Variants in RBM26 observed in about 807,000 individuals in gnomAD.
RBM26 encodes the protein RNA-binding protein 26.
Under a neutral mutation model 123.6 loss-of-function variants are expected in RBM26, and 30 were observed. The observed-to-expected ratio is 0.24, with a 90% CI of 0.18 to 0.33. The LOEUF (loss-of-function observed/expected upper bound fraction) is 0.33, where lower values mean the gene tolerates loss of function less well. Among genes scored for constraint, RBM26 ranks in the 10% least tolerant of loss-of-function variants. RBM26 has a pLI of 1.00. For missense variants in RBM26, 947 were observed against 1,203.6 expected (o/e 0.79, Z 3.15); for synonymous variants, 400 against 404.4 (o/e 0.99, Z 0.13).
chr13:79,314,624 C>T (rs1196631032), downstream of RBM26: 2 of 154,200 alleles, frequency 1.3e-5, no homozygotes, highest in Admixed American at 1.3e-4. Flanking sequence ...CTAATGAACA[C>T]AGTAGTATGG....
intron 3 of RBM26, among the ~76,000 whole-genome samples, chr13:79,375,099 T>TATATCATATAAATATATATTTAC (rs2076554549): frequency 8.4e-4 from 1 of 1,190 alleles, no homozygotes; most frequent in Non-Finnish European, 2.0e-3. Context: ...TATATATTTA[T>TATATCATATAAATATATATTTAC]ATATATCATA....
chr13:79,379,877 T>A (rs2076945003), intron 1 of RBM26, among the ~76,000 whole-genome samples: 1 of 151,980 alleles, frequency 6.6e-6, no homozygotes, highest in Non-Finnish European at 1.5e-5. Context: ...AAAATGACTC[T>A]TAAATGAGTA....
chr13:79,370,083 G>A (rs755354345), intron 5 of RBM26, among the ~76,000 whole-genome samples: 5 of 152,170 alleles, frequency 3.3e-5, no homozygotes, highest in Non-Finnish European at 7.4e-5. Flanking sequence ...GCTGAGGCGG[G>A]TGGATCACCT....
chr13:79,397,034 A>G (rs1168499049), intron 1 of RBM26, among the ~76,000 whole-genome samples: 1 of 152,144 alleles, frequency 6.6e-6, no homozygotes, highest in African/African-American at 2.4e-5. Context: ...ACGAAAAATT[A>G]GCCAAGGGTG....
At chr13:79,375,059 AT>A (rs1028864841) in intron 3 of RBM26, among the ~76,000 whole-genome samples, 5 of 143,372 alleles carry the variant, frequency 3.5e-5, no homozygotes, top group East Asian at 3.9e-4. Context: ...ATATATTTAT[AT>A]TTTTATATAT....
intron 18 of RBM26, among the ~76,000 whole-genome samples, chr13:79,340,890 C>T (rs758560397): frequency 6.6e-6 from 1 of 151,758 alleles, no homozygotes; most frequent in Non-Finnish European, 1.5e-5. Flanking sequence ...AATGGAGGAA[C>T]TTGGGGATAT....
chr13:79,341,623 T>C (rs2071391186), intron 17 of RBM26, among the ~76,000 whole-genome samples: 1 of 151,694 alleles, frequency 6.6e-6, no homozygotes, highest in African/African-American at 2.4e-5. Flanking sequence ...AAAGAAAAAC[T>C]AGGATAAACC....
chr13:79,347,217 T>C (rs575334766), intron 14 of RBM26, among the ~76,000 whole-genome samples: 2 of 129,112 alleles, frequency 1.5e-5, no homozygotes, highest in Admixed American at 7.5e-5. Context: ...TCTGTAAAAC[T>C]AGAACATCCA....
At chr13:79,382,864 T>C (rs534427045) in intron 1 of RBM26, among the ~76,000 whole-genome samples, 1 of 152,290 alleles carries the variant, frequency 6.6e-6, no homozygotes. Context: ...AACAGATTCT[T>C]AGAAAATGAC....
chr13:79,348,611 T>C (rs1400934631), intron 14 of RBM26, among the ~76,000 whole-genome samples: 1 of 152,078 alleles, frequency 6.6e-6, no homozygotes, highest in Non-Finnish European at 1.5e-5. Context: ...CAGAAATACA[T>C]TGGTTTAATG....
chr13:79,367,432 A>AAAAAAAAAAAAAAAAAAT (rs1566476253), intron 6 of RBM26, among the ~76,000 whole-genome samples: 1 of 42,792 alleles, frequency 2.3e-5, no homozygotes, highest in Non-Finnish European at 5.3e-5. Flanking sequence ...AAAAAAAAAA[A>AAAAAAAAAAAAAAAAAAT]GAAGAAGAAG....
At chr13:79,366,219 A>AT in intron 7 of RBM26, 24 bp from the exon 8 acceptor site, 1 of 1,601,642 alleles carries the variant, frequency 6.2e-7, no homozygotes, top group East Asian at 2.2e-5. Context: ...AGAATAAGAA[A>AT]TATCATCTGA....
At chr13:79,335,349 T>C (rs1398398853) in intron 19 of RBM26, among the ~76,000 whole-genome samples, 1 of 152,082 alleles carries the variant, frequency 6.6e-6, no homozygotes, top group African/African-American at 2.4e-5. Flanking sequence ...CCTCACAGGG[T>C]TATCCAAATA....
At chr13:79,368,201 T>G (rs1429507420) in intron 6 of RBM26, among the ~76,000 whole-genome samples, 1 of 152,102 alleles carries the variant, frequency 6.6e-6, no homozygotes, top group Non-Finnish European at 1.5e-5. Flanking sequence ...ATTTGTTGTA[T>G]TTTTAGTAGA....
intron 6 of RBM26, among the ~76,000 whole-genome samples, chr13:79,367,405 TCAAAAA>T (rs2075380916): frequency 9.9e-5 from 1 of 10,090 alleles, no homozygotes; most frequent in African/African-American, 2.4e-4. Context: ...AGACTCCATC[TCAAAAA>T]AAAAAAAAAA....
chr13:79,364,823 G>A (rs2075092718), intron 9 of RBM26, among the ~76,000 whole-genome samples: 1 of 152,060 alleles, frequency 6.6e-6, no homozygotes, highest in South Asian at 2.1e-4. Context: ...CTTAACACAT[G>A]ATATCCTTTG....
At chr13:79,353,343 C>A in intron 13 of RBM26, 119 bp from the exon 14 acceptor site, 2 of 460,716 alleles carry the variant, frequency 4.3e-6, no homozygotes, top group Non-Finnish European at 7.5e-6. Flanking sequence ...CAATACTAAC[C>A]ACAAAAACTT....
intron 14 of RBM26, among the ~76,000 whole-genome samples, chr13:79,347,621 A>G (rs2072551286): frequency 6.6e-6 from 1 of 152,132 alleles, no homozygotes; most frequent in Non-Finnish European, 1.5e-5. Context: ...TATATGTGCT[A>G]TAATTTTTAC....
chr13:79,396,956 G>C (rs1022095259), intron 1 of RBM26, among the ~76,000 whole-genome samples: 14 of 152,304 alleles, frequency 9.2e-5, no homozygotes, highest in Admixed American at 3.9e-4. Flanking sequence ...GAGGCAGGCA[G>C]ATCACCTGAG....
Sources: allele counts gnomAD v4.1 joint callset (sites outside exome capture counted in the v4.1 genomes callset), GRCh38; gene constraint gnomAD v4.1.1; transcripts MANE v1.5; gene names NCBI Gene and HGNC (gene_info 2026-07-23, HGNC 2026-07-21).